Variants in TAMM41 observed in about 807,000 individuals in gnomAD.
The protein encoded by TAMM41 is phosphatidate cytidylyltransferase, mitochondrial.
In TAMM41, 36 loss-of-function variants were observed where a neutral mutation model predicts 44.1. That is an observed-to-expected ratio of 0.82 (90% CI 0.63 to 1.08). TAMM41 has a LOEUF of 1.08. TAMM41 is among the 50% of genes least tolerant of loss of function. The pLI is 0.00. For synonymous variants in TAMM41, 164 were observed against 153.1 expected (o/e 1.07, Z -0.53); for missense variants, 417 against 404.3 (o/e 1.03, Z -0.27).
chr3:11,837,201 C>T (rs1044864453), intron 3 of TAMM41, among the ~76,000 whole-genome samples: 3 of 152,084 alleles, frequency 2.0e-5, no homozygotes, highest in Non-Finnish European at 4.4e-5. Context: ...GTCATTTTTC[C>T]CATAGATAGC....
chr3:11,772,972 T>A, the TAMM41 span, among the ~76,000 whole-genome samples: 1 of 152,130 alleles, frequency 6.6e-6, no homozygotes, highest in South Asian at 2.1e-4. Flanking sequence ...TCTCTCTTTT[T>A]TTGGAATGGA....
intron 7 of TAMM41, among the ~76,000 whole-genome samples, chr3:11,800,331 T>C (rs2077716587): frequency 6.6e-6 from 1 of 152,076 alleles, no homozygotes; most frequent in African/African-American, 2.4e-5. Flanking sequence ...ACTTTAAATG[T>C]AAATGCATTA....
chr3:11,766,004 A>T, the TAMM41 span, among the ~76,000 whole-genome samples: 1 of 152,088 alleles, frequency 6.6e-6, no homozygotes, highest in Non-Finnish European at 1.5e-5. Flanking sequence ...CCCAGCCTGG[A>T]GTCAATAAAG....
intron 5 of TAMM41, among the ~76,000 whole-genome samples, chr3:11,815,931 A>T (rs1056454736): frequency 2.6e-5 from 4 of 152,192 alleles, no homozygotes; most frequent in African/African-American, 9.7e-5. Context: ...TTTTGTTATA[A>T]ACTTGAGGTA....
the TAMM41 span, among the ~76,000 whole-genome samples, chr3:11,741,181 T>C: frequency 8.3e-6 from 1 of 120,126 alleles, no homozygotes; most frequent in Admixed American, 1.0e-4. Flanking sequence ...ATCACACCAT[T>C]GCACTCCAGC....
chr3:11,777,712 T>C, the TAMM41 span, among the ~76,000 whole-genome samples: 2 of 152,232 alleles, frequency 1.3e-5, no homozygotes, highest in Admixed American at 1.3e-4. Flanking sequence ...GAGAATCTCT[T>C]GAACCCGGGA....
At chr3:11,839,189 C>A in intron 3 of TAMM41, 33 bp downstream of exon 3, 4 of 1,381,786 alleles carry the variant, frequency 2.9e-6, no homozygotes, top group Non-Finnish European at 4.1e-6. Context: ...AGAGGAAAGG[C>A]ATCCTTAACT....
the TAMM41 span, among the ~76,000 whole-genome samples, chr3:11,731,677 G>T: frequency 1.3e-5 from 2 of 152,138 alleles, no homozygotes; most frequent in African/African-American, 4.8e-5. Context: ...TCCAGGGTGG[G>T]AGAGAGGCTT....
chr3:11,770,326 G>GC, the TAMM41 span, among the ~76,000 whole-genome samples: 11 of 152,160 alleles, frequency 7.2e-5, no homozygotes, highest in Admixed American at 4.6e-4. Flanking sequence ...CCACTACCCT[G>GC]GAGGGCAGCT....
At chr3:11,818,051 T>A (rs2078352471) in intron 4 of TAMM41, among the ~76,000 whole-genome samples, 2 of 152,110 alleles carry the variant, frequency 1.3e-5, no homozygotes, top group Admixed American at 1.3e-4. Context: ...GAGAAAGGAA[T>A]GGGAAAGTGG....
downstream of TAMM41, among the ~76,000 whole-genome samples, chr3:11,787,111 G>A (rs982309144): frequency 6.6e-6 from 1 of 152,240 alleles, no homozygotes; most frequent in African/African-American, 2.4e-5. Flanking sequence ...CAGTGGCTTG[G>A]GCACCCTCAC....
At chr3:11,803,874 C>A (rs918850422) in intron 7 of TAMM41, among the ~76,000 whole-genome samples, 1 of 152,082 alleles carries the variant, frequency 6.6e-6, no homozygotes, top group Non-Finnish European at 1.5e-5. Context: ...TAAGTGGGAG[C>A]TAAACAATGT....
the TAMM41 span, among the ~76,000 whole-genome samples, chr3:11,732,331 TC>T: frequency 1.9e-4 from 28 of 150,560 alleles, 2 homozygotes; most frequent in Admixed American, 1.3e-3. Flanking sequence ...TCCCTCTCTC[TC>T]TCCCTCCCTG....
chr3:11,823,076 T>C (rs553254266), intron 4 of TAMM41, among the ~76,000 whole-genome samples: 2 of 152,302 alleles, frequency 1.3e-5, no homozygotes, highest in Admixed American at 1.3e-4. Context: ...TTGTAGCAGG[T>C]ATAGAATGGC....
chr3:11,806,241 G>A (rs1355489597), intron 7 of TAMM41, among the ~76,000 whole-genome samples: 1 of 152,188 alleles, frequency 6.6e-6, no homozygotes, highest in African/African-American at 2.4e-5. Flanking sequence ...TGGCACATGA[G>A]AGATGCTCAA....
the TAMM41 span, among the ~76,000 whole-genome samples, chr3:11,746,726 G>C: frequency 2.6e-3 from 388 of 152,152 alleles, 3 homozygotes; most frequent in Admixed American, 0.016. Context: ...ACAGCTCACT[G>C]CAGCCTCAAA....
chr3:11,748,512 G>A, the TAMM41 span, among the ~76,000 whole-genome samples: 1,439 of 151,908 alleles, frequency 9.5e-3, 19 homozygotes, highest in African/African-American at 0.032. Context: ...CCAAGTAGCC[G>A]GGACCACAGG....
rs146778887 is a variant in TAMM41, at chr3:11,796,035, C to T, written c.938-5454G>A. Among the ~76,000 whole-genome samples, 609 of 152,266 alleles carry T rather than the reference C, an allele frequency of 4.0e-3. 4 individuals are homozygous for T. Among genetic ancestry groups the T allele is most frequent in the African/African-American group, 0.014 (585 of 41,534 alleles). Reference sequence around the variant, plus strand: ...CTCCCAGGCTAAAGGAAAAGGAAAACAGTGTTTGGTTTTGGAAGCAATTCT... The same window carrying T: ...CTCCCAGGCTAAAGGAAAAGGAAAATAGTGTTTGGTTTTGGAAGCAATTCT... On this transcript the variant is annotated intron_variant, in intron 7 of 7. Transcript: ENST00000455809.
At chr3:11,724,189 C>T in the TAMM41 span, among the ~76,000 whole-genome samples, 3 of 151,568 alleles carry the variant, frequency 2.0e-5, no homozygotes, top group African/African-American at 7.3e-5. Context: ...CTGCAACCTC[C>T]ACCTCCCAGG....
Sources: allele counts gnomAD v4.1 joint callset (sites outside exome capture counted in the v4.1 genomes callset), GRCh38; gene constraint gnomAD v4.1.1; transcripts MANE v1.5; gene names NCBI Gene and HGNC (gene_info 2026-07-23, HGNC 2026-07-21).